The following CEP89 variants were observed in gnomAD, a reference collection of about 807,000 sequenced individuals.
CEP89 encodes the protein centrosomal protein of 89 kDa.
CEP89 carries 95 observed loss-of-function variants against 97.6 expected under a neutral mutation model. The observed-to-expected ratio is 0.97, with a 90% CI of 0.82 to 1.15. The LOEUF is 1.15. Ranked by LOEUF, CEP89 falls within the 50% of genes most tolerant of loss-of-function variation. CEP89 has a pLI of 0.00. For missense variants in CEP89, 869 were observed against 947.7 expected, an observed-to-expected ratio of 0.92 and a Z score of 1.09; for synonymous variants, 354 against 349.1, an observed-to-expected ratio of 1.01 and a Z score of -0.16.
chr19:32,921,264 A>C lies in CEP89; in HGVS notation c.1268+2175T>G, dbSNP rs534575502. 4.3e-3 allele frequency among the ~76,000 whole-genome samples: 652 copies of C among 151,510 alleles called. 4 individuals are homozygous for C. Among genetic ancestry groups the C allele is most frequent in the Non-Finnish European group, 7.4e-3 (500 of 67,926 alleles). ...AAGAAAGAAAGAAAGTGTCTGCTGA[A>C]GTGTGAAGTCCGTGTACCGAGTGCT... On this transcript the variant is annotated intron_variant, in intron 12 of 18. Coordinates refer to ENST00000305768, the MANE Select transcript of CEP89 (RefSeq NM_032816.5).
intron 5 of CEP89, among the ~76,000 whole-genome samples, chr19:32,943,197 G>A (rs922346725): frequency 1.3e-5 from 2 of 152,192 alleles, no homozygotes; most frequent in African/African-American, 4.8e-5. Flanking sequence ...GGGTCTCCCT[G>A]TGTTGCCCAG....
intron 16 of CEP89, among the ~76,000 whole-genome samples, chr19:32,891,767 GAGA>G (rs1372923183): frequency 6.6e-6 from 1 of 151,144 alleles, no homozygotes; most frequent in African/African-American, 2.4e-5. Context: ...GATCAAGCAG[GAGA>G]AAGAATTTCT....
intron 9 of CEP89, among the ~76,000 whole-genome samples, chr19:32,927,327 C>T (rs900514967): frequency 6.6e-6 from 1 of 151,962 alleles, no homozygotes; most frequent in African/African-American, 2.4e-5. Context: ...TTCCTAAAAA[C>T]AAAAACATTC....
At chr19:32,906,910 C>G (rs1969898263) in intron 14 of CEP89, among the ~76,000 whole-genome samples, 1 of 152,146 alleles carries the variant, frequency 6.6e-6, no homozygotes, top group Non-Finnish European at 1.5e-5. Flanking sequence ...TTTAGAGCTT[C>G]TCTGTCTCAA....
intron 5 of CEP89, among the ~76,000 whole-genome samples, chr19:32,942,217 A>G (rs1970701619): frequency 6.6e-6 from 1 of 152,100 alleles, no homozygotes; most frequent in African/African-American, 2.4e-5. Flanking sequence ...CCCCGTCTCT[A>G]CAAAAAATAC....
chr19:32,937,477 A>C (rs1970602550), intron 7 of CEP89, 154 bp downstream of exon 7: 1 of 672,768 alleles, frequency 1.5e-6, no homozygotes, highest in African/African-American at 1.8e-5. Flanking sequence ...TACGTCCACT[A>C]CCTAGTGTTT....
chr19:32,939,285 T>A (rs1970638592), intron 6 of CEP89, among the ~76,000 whole-genome samples: 1 of 152,080 alleles, frequency 6.6e-6, no homozygotes, highest in South Asian at 2.1e-4. Context: ...AAATTGTCTA[T>A]TCATTCCACA....
At position 32,882,338 on chromosome 19, in the gene CEP89, G is replaced by A. The variant is rs567989349; in HGVS notation, c.1966-325C>T. Reference sequence around the variant, plus strand: ...AGCACTATTACAGGCTGAGGCAGGCGGATCACTTGAGGTCAGGAGTTCAAG... The same window carrying A: ...AGCACTATTACAGGCTGAGGCAGGCAGATCACTTGAGGTCAGGAGTTCAAG... On this transcript the variant is annotated intron_variant, in intron 17 of 18. Transcript: ENST00000305768. 9.2e-5 allele frequency among the ~76,000 whole-genome samples: 14 copies of A among 152,160 alleles called. No homozygotes were observed. The South Asian group carries it at 2.3e-3, about 25-fold the overall frequency.
intron 7 of CEP89, among the ~76,000 whole-genome samples, chr19:32,935,120 G>A (rs1970553329): frequency 6.6e-6 from 1 of 152,194 alleles, no homozygotes; most frequent in African/African-American, 2.4e-5. Context: ...AGGCCCTGAG[G>A]GCAGAAAGGC....
At chr19:32,882,059 A>G in intron 17 of CEP89, 46 bp from the exon 18 acceptor site, 1 of 1,515,328 alleles carries the variant, frequency 6.6e-7, no homozygotes, top group Non-Finnish European at 8.9e-7. Flanking sequence ...CTGCCAGGCC[A>G]GGGTGGACAG....
At chr19:32,890,119 G>A (rs544059522) in intron 16 of CEP89, among the ~76,000 whole-genome samples, 2 of 152,220 alleles carry the variant, frequency 1.3e-5, no homozygotes, top group African/African-American at 4.8e-5. Context: ...TTAAAAAACT[G>A]TTTTCAGCCG....
intron 16 of CEP89, among the ~76,000 whole-genome samples, chr19:32,888,530 A>T (rs961144320): frequency 2.0e-5 from 3 of 152,046 alleles, no homozygotes; most frequent in Non-Finnish European, 4.4e-5. Flanking sequence ...ATTTAAAAAG[A>T]TCTCAGGCCA....
In CEP89 at chr19:32,878,796, C is replaced by T. The variant is rs1002379645; in HGVS notation, c.*366G>A. Reference sequence around the variant, plus strand: ...CAGCCTGAGCAACATAGCAAGACCTCATCTCAACAAAAAAGAAAAAAATTA... The same window carrying T: ...CAGCCTGAGCAACATAGCAAGACCTTATCTCAACAAAAAAGAAAAAAATTA... On this transcript the variant is annotated 3_prime_UTR_variant, in exon 19 of 19. Transcript: ENST00000305768. 2 of 170,678 alleles carry T rather than the reference C, an allele frequency of 1.2e-5. No homozygotes were observed. Among genetic ancestry groups the T allele is most frequent in the African/African-American group, 4.7e-5 (2 of 42,266 alleles). 10.6% of individuals were successfully genotyped at this position (170,678 alleles called of 1,614,324 possible). A position where few individuals can be genotyped will look rare whatever the true frequency, so the allele number is the denominator to read the frequency against.
rs757594941 is a variant in CEP89 at position 32,923,561 on chromosome 19, A to C, written c.1165-19T>G. 18 of 1,410,226 alleles carry C rather than the reference A, an allele frequency of 1.3e-5. No individual in the cohort carries two copies. The South Asian group carries it at 1.9e-4, about 15-fold the overall frequency. 87.4% of individuals were successfully genotyped at this position (1,410,226 alleles called of 1,614,324 possible). A position where few individuals can be genotyped will look rare whatever the true frequency, so the allele number is the denominator to read the frequency against. ...TTTCCTCCTGAAATAAAATGTACGT[A>C]AATTATAACACACACATACCCACGC... On this transcript the variant is annotated intron_variant, in intron 11 of 18. Transcript: ENST00000305768.
intron 5 of CEP89, among the ~76,000 whole-genome samples, chr19:32,945,278 A>AG (rs1311269768): frequency 1.5e-4 from 16 of 106,800 alleles, no homozygotes; most frequent in African/African-American, 5.6e-4. Context: ...GAGTGAAACT[A>AG]TGTTTCAAAA....
At chr19:32,958,177 A>G (rs996721176) in intron 3 of CEP89, among the ~76,000 whole-genome samples, 2 of 152,084 alleles carry the variant, frequency 1.3e-5, no homozygotes, top group Admixed American at 1.3e-4. Context: ...TTACCAGGAA[A>G]AAAAAAAAGG....
At chr19:32,948,089 G>A (rs1194292757) in intron 5 of CEP89, among the ~76,000 whole-genome samples, 177 bp downstream of exon 5, 2 of 152,114 alleles carry the variant, frequency 1.3e-5, no homozygotes, top group Admixed American at 1.3e-4. Context: ...TTACAGGCGT[G>A]AGCCACCACA....
intron 15 of CEP89, 65 bp from the exon 16 acceptor site, chr19:32,900,063 A>G: frequency 6.9e-7 from 1 of 1,455,378 alleles, no homozygotes; most frequent in South Asian, 1.2e-5. Flanking sequence ...GGCATGGTGA[A>G]TATCTGTATT....
chr19:32,884,377 G>A (rs1273347789), intron 17 of CEP89, among the ~76,000 whole-genome samples: 2 of 152,028 alleles, frequency 1.3e-5, no homozygotes, highest in African/African-American at 2.4e-5. Context: ...TTTGCTTTAT[G>A]AGCCAATCCA....
Sources: gnomAD v4.1 joint callset for allele counts (sites outside exome capture counted in the v4.1 genomes callset) on GRCh38, gnomAD v4.1.1 for gene constraint, MANE v1.5 for transcripts, NCBI Gene and HGNC (gene_info 2026-07-23, HGNC 2026-07-21) for gene names.